UBAC1: variants seen among roughly 807,000 people sequenced by gnomAD.
The protein encoded by UBAC1 is UBA domain containing 1.
In UBAC1, 27 loss-of-function variants were observed where a neutral mutation model predicts 45.9. That is an observed-to-expected ratio of 0.59 (90% CI 0.43 to 0.81). The LOEUF is 0.81. Ranked by LOEUF, UBAC1 falls within the 30% of genes least tolerant of loss-of-function variation. The probability of loss-of-function intolerance (pLI) is 0.00; values close to 1 mark genes in which losing one functional copy is unlikely to be tolerated. For synonymous variants in UBAC1, 227 were observed against 215.5 expected (o/e 1.05, Z -0.47); for missense variants, 529 against 539.2 (o/e 0.98, Z 0.19).
Position 135,939,727 on chromosome 9 carries a change from G to A in UBAC1, c.909C>T (p.Asp303=), listed in dbSNP as rs114216175. 3,063 of 1,613,942 alleles carry A rather than the reference G, an allele frequency of 1.9e-3. 26 individuals are homozygous for A. In the African/African-American group the frequency reaches 0.021, roughly 11 times the overall value. ...AVISLMEMGF[D]EKEVIDALRV... ...TGAGGGCATCTATCACCTCTTTCTC[G>A]TCGAACCCCATCTCCATCAGGGAAA... Residue 303 remains aspartate, a synonymous_variant, in exon 8 of 10, where the codon GAC becomes GAT. Transcript: ENST00000371756.
At chr9:135,952,455 A>AG (rs780650075) in intron 3 of UBAC1, among the ~76,000 whole-genome samples, 1 of 152,254 alleles carries the variant, frequency 6.6e-6, no homozygotes, top group Non-Finnish European at 1.5e-5. Context: ...GCTGTGGGGT[A>AG]GGACACGCCA....
chr9:135,941,093 A>C lies in UBAC1; in HGVS notation c.877-1334T>G, dbSNP rs181149960. On this transcript the variant is annotated intron_variant, in intron 7 of 9. Coordinates refer to ENST00000371756, the MANE Select transcript of UBAC1 (RefSeq NM_016172.3). ...CTCAGGAAGGATGCTGGCTAGAGCT[A>C]AACTGTGTGCATGATCAGGTCAAAA... is the stretch of plus-strand genomic sequence containing the variant. 3.3e-5 allele frequency among the ~76,000 whole-genome samples: 5 copies of C among 152,310 alleles called. No individual in the cohort carries two copies. In the East Asian group the frequency reaches 9.6e-4, roughly 29 times the overall value.
At chr9:135,940,222 C>G (rs937213786) in intron 7 of UBAC1, among the ~76,000 whole-genome samples, 1 of 151,400 alleles carries the variant, frequency 6.6e-6, no homozygotes, top group Non-Finnish European at 1.5e-5. Context: ...GCAATCTCAA[C>G]GGAAACAAAA....
rs373115143 is a variant in UBAC1 at position 135,946,390 on chromosome 9, A to C, written c.442-19T>G. 174 of 1,508,678 alleles carry C rather than the reference A, an allele frequency of 1.2e-4. No homozygotes were observed. Among genetic ancestry groups the C allele is most frequent in the Non-Finnish European group, 1.5e-4 (165 of 1,084,126 alleles). 93.5% of individuals were successfully genotyped at this position (1,508,678 alleles called of 1,614,324 possible). On this transcript the variant is annotated intron_variant, in intron 4 of 9. Coordinates refer to ENST00000371756, the MANE Select transcript of UBAC1 (RefSeq NM_016172.3). Reference sequence around the variant, plus strand: ...TCTGGAACTGTGGTGAAAAAAAAGGAGATCAATTCTCTAAATGTCCACCAA... The same window carrying C: ...TCTGGAACTGTGGTGAAAAAAAAGGCGATCAATTCTCTAAATGTCCACCAA...
Position 135,939,717 on chromosome 9 carries a change from C to A in UBAC1, c.919G>T (p.Val307Leu). ...LMEMGFDEKE[V>L]IDALRVNNNQ... ...TTGTTCACTCTGAGGGCATCTATCA[C>A]CTCTTTCTCGTCGAACCCCATCTCC... is the stretch of plus-strand genomic sequence containing the variant. The change falls in exon 8 of 10, where the codon GTG becomes TTG. Residue 307 changes from valine to leucine, a missense_variant. Physicochemically the swap from Val to Leu is conservative, Grantham distance 32. Transcript: ENST00000371756. The A allele has an allele frequency of 1.9e-6, 3 of 1,614,102 alleles. No homozygotes were observed. Among genetic ancestry groups the A allele is most frequent in the Non-Finnish European group, 2.5e-6 (3 of 1,179,934 alleles).
intron 6 of UBAC1, chr9:135,945,588 C>A: frequency 1.9e-6 from 1 of 525,712 alleles, no homozygotes; most frequent in Non-Finnish European, 3.4e-6. Context: ...AACACAGAAG[C>A]AGGGCAAGTA....
At chr9:135,955,941 G>T (rs1839461052) in intron 1 of UBAC1, among the ~76,000 whole-genome samples, 1 of 152,184 alleles carries the variant, frequency 6.6e-6, no homozygotes, top group South Asian at 2.1e-4. Context: ...CAGCCATGCT[G>T]CATCCCGAGA....
chr9:135,947,916 A>T lies in UBAC1; in HGVS notation c.334-11T>A, dbSNP rs1323448738. 3 of 1,611,900 alleles carry T rather than the reference A, an allele frequency of 1.9e-6. No individual in the cohort carries two copies. On this transcript the variant is annotated splice_polypyrimidine_tract_variant and intron_variant, in intron 3 of 9. Coordinates refer to ENST00000371756, the MANE Select transcript of UBAC1 (RefSeq NM_016172.3). ...CTGGTCTTGTTTTTTCTACACAGAA[A>T]CGTAATCAGAAAGTCTGAGGTGAAC...
intron 1 of UBAC1, among the ~76,000 whole-genome samples, 164 bp downstream of exon 1, chr9:135,960,861 G>A (rs551838990): frequency 8.5e-5 from 13 of 152,318 alleles, no homozygotes; most frequent in African/African-American, 2.6e-4. Context: ...GGAGAGTCGG[G>A]CAAACGGGCA....
intron 2 of UBAC1, 71 bp downstream of exon 2, chr9:135,955,224 C>T: frequency 2.1e-6 from 3 of 1,407,526 alleles, no homozygotes; most frequent in Non-Finnish European, 2.8e-6. Flanking sequence ...GTGGACCACC[C>T]CCTCCTGGCT....
intron 7 of UBAC1, among the ~76,000 whole-genome samples, chr9:135,943,071 GA>G (rs1204569046): frequency 6.6e-6 from 1 of 152,076 alleles, no homozygotes; most frequent in East Asian, 1.9e-4. Context: ...AAATTTACAA[GA>G]AAAAAACAAC....
chr9:135,946,110 C>T, intron 5 of UBAC1, 113 bp from the exon 6 acceptor site: 2 of 1,170,152 alleles, frequency 1.7e-6, no homozygotes, highest in East Asian at 2.5e-5. Context: ...CGCCCTCAGG[C>T]ACATCAACAG....
chr9:135,952,881 G>A (rs946094492), intron 3 of UBAC1, among the ~76,000 whole-genome samples: 3 of 152,244 alleles, frequency 2.0e-5, no homozygotes, highest in South Asian at 2.1e-4. Flanking sequence ...TGGATTTTCC[G>A]ATGGGGATGC....
intron 2 of UBAC1, 110 bp from the exon 3 acceptor site, chr9:135,953,863 G>C: frequency 1.2e-6 from 1 of 844,778 alleles, no homozygotes; most frequent in East Asian, 3.2e-5. Context: ...ATTCGGCCGG[G>C]CGCAGTGGCT....
intron 3 of UBAC1, among the ~76,000 whole-genome samples, chr9:135,952,014 T>C (rs921678800): frequency 6.6e-6 from 1 of 152,222 alleles, no homozygotes; most frequent in African/African-American, 2.4e-5. Flanking sequence ...CCTGTAAGTC[T>C]GAACACCAAC....
chr9:135,951,598 C>G (rs1331800941), intron 3 of UBAC1, among the ~76,000 whole-genome samples: 1 of 152,016 alleles, frequency 6.6e-6, no homozygotes, highest in Admixed American at 6.5e-5. Flanking sequence ...CACCCGAGGT[C>G]AGGAGATCGA....
intron 6 of UBAC1, 38 bp downstream of exon 6, chr9:135,945,851 G>GT: frequency 6.4e-7 from 1 of 1,572,956 alleles, no homozygotes; most frequent in South Asian, 1.1e-5. Context: ...CAGGCCCCAG[G>GT]TGTCTCCGGC....
Position 135,937,154 on chromosome 9 carries a change from C to T in UBAC1, c.1102+1068G>A, listed in dbSNP as rs376632652. Reference sequence around the variant, plus strand: ...GGGTGGCAAAGGCCCTCCCAACATCCAGGAACTCAGCTCCTGGGGACCAAC... The same window carrying T: ...GGGTGGCAAAGGCCCTCCCAACATCTAGGAACTCAGCTCCTGGGGACCAAC... On this transcript the variant is annotated intron_variant, in intron 9 of 9. Coordinates refer to ENST00000371756, the MANE Select transcript of UBAC1 (RefSeq NM_016172.3). Among the ~76,000 whole-genome samples, 4 of 152,112 alleles carry T rather than the reference C, an allele frequency of 2.6e-5. No homozygotes were observed. The East Asian group carries it at 5.8e-4, about 22-fold the overall frequency.
Position 135,938,271 on chromosome 9 carries a change from C to G in UBAC1, c.1053G>C (p.Leu351=), listed in dbSNP as rs1270312648. 1.2e-6 allele frequency: 2 copies of G among 1,614,078 alleles called. No homozygotes were observed. Among genetic ancestry groups the G allele is most frequent in the Non-Finnish European group, 1.7e-6 (2 of 1,180,046 alleles). ...DPDSPLFQAI[L]DNPVVQLGLT... is the part of the protein sequence containing the mutation. ...GGCCCAGCTGCACCACCGGGTTATC[C>G]AGGATGGCCTGAAAGAGAGGACTGT... The change falls in exon 9 of 10, where the codon CTG becomes CTC. Residue 351 remains leucine, a synonymous_variant. Transcript: ENST00000371756.
Sources: gnomAD v4.1 joint callset for allele counts (sites outside exome capture counted in the v4.1 genomes callset) on GRCh38, gnomAD v4.1.1 for gene constraint, MANE v1.5 for transcripts, NCBI Gene and HGNC (gene_info 2026-07-23, HGNC 2026-07-21) for gene names.